WNT10A: variants seen among roughly 807,000 people sequenced by gnomAD.
WNT10A encodes the protein protein Wnt-10a.
In WNT10A, 37 loss-of-function variants were observed where a neutral mutation model predicts 36.1. That is an observed-to-expected ratio of 1.02 (90% CI 0.79 to 1.35). WNT10A has a LOEUF of 1.35. WNT10A is among the 40% of genes most tolerant of loss of function. The pLI is 0.00. For missense variants in WNT10A, 613 were observed against 601.4 expected, an observed-to-expected ratio of 1.02 and a Z score of -0.20; for synonymous variants, 255 against 254.1, an observed-to-expected ratio of 1.00 and a Z score of -0.03.
upstream of WNT10A, among the ~76,000 whole-genome samples, chr2:218,879,934 G>T (rs1228949517): frequency 6.6e-6 from 1 of 152,206 alleles, no homozygotes; most frequent in Non-Finnish European, 1.5e-5. Context: ...CTGGGGGCCT[G>T]ACACTGCTGC....
intron 1 of WNT10A, among the ~76,000 whole-genome samples, chr2:218,881,411 C>G (rs558499041): frequency 1.3e-5 from 2 of 152,166 alleles, no homozygotes; most frequent in Non-Finnish European, 2.9e-5. Flanking sequence ...GGGGAATGCA[C>G]CCCCACCTCA....
upstream of WNT10A, among the ~76,000 whole-genome samples, chr2:218,880,107 C>T (rs77420874): frequency 6.8e-3 from 1,042 of 152,302 alleles, 9 homozygotes; most frequent in African/African-American, 0.022. This position sits in a 1 kb window ranked among gnomAD's most constrained non-coding sequence, Gnocchi z 7.7. Context: ...GGAGCCCACA[C>T]CTGCCTCACA....
rs1276330659 is a variant in WNT10A at position 218,881,098 on chromosome 2, G to C, written c.103G>C (p.Ala35Pro). 12 of 1,597,300 alleles carry C rather than the reference G, an allele frequency of 7.5e-6. No individual in the cohort carries two copies. The highest frequency in any genetic ancestry group is 1.0e-5 in the Non-Finnish European group (12 of 1,171,830). The change falls in exon 1 of 4, where the codon GCC becomes CCC. Residue 35 changes from alanine (A) to proline (P), a missense_variant. Physicochemically the swap from Ala to Pro is conservative, Grantham distance 27. Transcript: ENST00000258411. ...GTTCTTCCTACTGCTGCTGGCTGCT[G>C]CCATGCCCAGGTGAGCCCTCACCTC... is the stretch of plus-strand genomic sequence containing the variant. Reference protein sequence around the residue: ...LLFFLLLLAAAMPRSAPNDIL... With the variant: ...LLFFLLLLAAPMPRSAPNDIL...
Position 218,892,936 on chromosome 2 carries a change from G to C in WNT10A, c.919G>C (p.Gly307Arg), listed in dbSNP as rs775046543. ...ATLIRPHNRNGGQLEPGPAGA... is the reference protein window; with the variant it reads ...ATLIRPHNRNRGQLEPGPAGA... Reference sequence around the variant, plus strand: ...GCTCATCCGGCCGCACAACCGCAACGGCGGCCAGCTGGAGCCGGGCCCAGC... The same window carrying C: ...GCTCATCCGGCCGCACAACCGCAACCGCGGCCAGCTGGAGCCGGGCCCAGC... The change falls in exon 4 of 4, where the codon GGC becomes CGC. Residue 307 changes from glycine to arginine, a missense_variant. By Grantham distance (125) the Gly-to-Arg change is moderately radical. Coordinates refer to ENST00000258411, the MANE Select transcript of WNT10A (RefSeq NM_025216.3). The C allele has an allele frequency of 7.4e-6, 11 of 1,480,152 alleles. No individual in the cohort carries two copies. The highest frequency in any genetic ancestry group is 8.9e-6 in the Non-Finnish European group (10 of 1,118,198). The allele number at this position is 1,480,152 out of a possible 1,614,324, so 91.7% of individuals were successfully genotyped here. A position where few individuals can be genotyped will look rare whatever the true frequency, so the allele number is the denominator to read the frequency against.
chr2:218,891,966 G>A (rs765053923), intron 3 of WNT10A, among the ~76,000 whole-genome samples: 3 of 152,122 alleles, frequency 2.0e-5, no homozygotes, highest in Non-Finnish European at 4.4e-5. Flanking sequence ...TTGTGAGCTG[G>A]GTTGGGGGCG....
At chr2:218,875,482 G>A in the WNT10A span, among the ~76,000 whole-genome samples, 6 of 152,186 alleles carry the variant, frequency 3.9e-5, no homozygotes, top group Non-Finnish European at 7.4e-5. Flanking sequence ...GAGCCACCGC[G>A]CCCGGCCAAA....
At chr2:218,881,440 C>G (rs1211207188) in intron 1 of WNT10A, among the ~76,000 whole-genome samples, 1 of 152,122 alleles carries the variant, frequency 6.6e-6, no homozygotes, top group Admixed American at 6.5e-5. Context: ...CACAAGCTGC[C>G]TCACTCCTTC....
chr2:218,883,255 C>G (rs996332851), intron 2 of WNT10A, among the ~76,000 whole-genome samples: 2 of 152,172 alleles, frequency 1.3e-5, no homozygotes, highest in Non-Finnish European at 2.9e-5. Context: ...AGCTGGGTAT[C>G]TATCTCTCTT....
chr2:218,876,548 T>C (rs1019599587), upstream of WNT10A, among the ~76,000 whole-genome samples: 3 of 152,082 alleles, frequency 2.0e-5, no homozygotes, highest in African/African-American at 7.2e-5. Context: ...TTGGGTCAAA[T>C]GTCTGGGCCT....
At chr2:218,892,672 C>T (rs1459407679) in intron 3 of WNT10A, 102 bp from the exon 4 acceptor site, 3 of 1,512,588 alleles carry the variant, frequency 2.0e-6, no homozygotes, top group Non-Finnish European at 2.7e-6. Flanking sequence ...CAGCGTTTGC[C>T]TCTGTATAAT....
At chr2:218,874,837 G>C in the WNT10A span, among the ~76,000 whole-genome samples, 1 of 152,202 alleles carries the variant, frequency 6.6e-6, no homozygotes, top group African/African-American at 2.4e-5. Context: ...TATACAAAGG[G>C]ATTTCGCTCT....
At chr2:218,877,756 TG>T (rs1944465358), upstream of WNT10A, among the ~76,000 whole-genome samples, 1 of 152,166 alleles carries the variant, frequency 6.6e-6, no homozygotes, top group Admixed American at 6.5e-5. The surrounding 1 kb of genome is among the most constrained non-coding windows in gnomAD (Gnocchi z 4.1). Flanking sequence ...ATTGGGAGTT[TG>T]GGGAGACTGC....
At position 218,892,825 on chromosome 2, in the gene WNT10A, A is replaced by G; in HGVS notation, c.808A>G (p.Ser270Gly). The G allele has an allele frequency of 6.3e-7, 1 of 1,596,818 alleles. No individual in the cohort carries two copies. The highest frequency in any genetic ancestry group is 1.1e-5 in the South Asian group (1 of 88,350). ...GTGCAAGTGCCACGGCACGTCAGGC[A>G]GCTGCCAGCTCAAGACGTGCTGGCA... is the stretch of plus-strand genomic sequence containing the variant. ...RKCKCHGTSGSCQLKTCWQVT... is the reference protein window; with the variant it reads ...RKCKCHGTSGGCQLKTCWQVT... Residue 270 changes from serine (S) to glycine (G), a missense_variant, in exon 4 of 4, where the codon AGC becomes GGC. By Grantham distance (56) the Ser-to-Gly change is moderately conservative. Transcript: ENST00000258411.
At chr2:218,877,319 T>C (rs374177390), upstream of WNT10A, among the ~76,000 whole-genome samples, 5 of 152,354 alleles carry the variant, frequency 3.3e-5, no homozygotes, top group East Asian at 9.6e-4. The surrounding 1 kb of genome is among the most constrained non-coding windows in gnomAD (Gnocchi z 4.1). Context: ...TACTGGTCCA[T>C]CTTCTGTTAC....
In WNT10A at chr2:218,880,866, CCCTGA is replaced by C. The variant is rs1944503293; in HGVS notation, c.-127_-123del. The C allele has an allele frequency of 1.1e-5, 13 of 1,182,314 alleles. No individual in the cohort carries two copies. The South Asian group carries it at 2.2e-4, about 20-fold the overall frequency. 73.2% of individuals were successfully genotyped at this position (1,182,314 alleles called of 1,614,324 possible). On this transcript the variant is annotated 5_prime_UTR_variant, in exon 1 of 4. Transcript: ENST00000258411. The surrounding 1 kb of genome is among the most constrained non-coding windows in gnomAD (Gnocchi z 7.7). Reference sequence around the variant, plus strand: ...AGGCGGGCGCCGTCTGCTCCGGGAGCCCTGACCCGAGTCGGAGCTGTGTGTCGCAG... The same window carrying C: ...AGGCGGGCGCCGTCTGCTCCGGGAGCCCCGAGTCGGAGCTGTGTGTCGCAG...
chr2:218,886,464 C>T (rs1321511717), intron 2 of WNT10A, among the ~76,000 whole-genome samples: 1 of 152,172 alleles, frequency 6.6e-6, no homozygotes, highest in African/African-American at 2.4e-5. Context: ...CCTGAATCCT[C>T]TCTCCTCCAC....
At chr2:218,875,859 C>G (rs1944449269), upstream of WNT10A, among the ~76,000 whole-genome samples, 1 of 152,204 alleles carries the variant, frequency 6.6e-6, no homozygotes, top group Non-Finnish European at 1.5e-5. Context: ...TGGGCAGGCC[C>G]TGATTGCAAA....
intron 2 of WNT10A, among the ~76,000 whole-genome samples, chr2:218,883,652 T>C (rs1944544552): frequency 6.8e-6 from 1 of 147,332 alleles, no homozygotes; most frequent in African/African-American, 2.5e-5. Context: ...CGCGAACTAA[T>C]CCCCGCGGGC....
chr2:218,893,075 A>T lies in WNT10A; in HGVS notation c.1058A>T (p.Asp353Val), dbSNP rs757226964. The T allele has an allele frequency of 1.3e-6, 2 of 1,596,614 alleles. No homozygotes were observed. The change falls in exon 4 of 4, where the codon GAC (aspartate) becomes GTC (valine). Residue 353 changes from aspartate (D) to valine (V), a missense_variant. Coordinates refer to ENST00000258411, the MANE Select transcript of WNT10A (RefSeq NM_025216.3). This position sits in a 1 kb window ranked among gnomAD's most constrained non-coding sequence, Gnocchi z 6.3. ...PDFCEREPRL[D>V]SAGTVGRLCN... ...TTCTGCGAGCGCGAGCCGCGCCTGGACTCGGCGGGCACCGTGGGCCGCCTG... is the reference window on the plus strand; with the variant it reads ...TTCTGCGAGCGCGAGCCGCGCCTGGTCTCGGCGGGCACCGTGGGCCGCCTG...
Sources: gnomAD v4.1 joint callset for allele counts (sites outside exome capture counted in the v4.1 genomes callset) on GRCh38, gnomAD v4.1.1 for gene constraint, Gnocchi (gnomAD v3.1) non-coding constraint, MANE v1.5 for transcripts, NCBI Gene and HGNC (gene_info 2026-07-23, HGNC 2026-07-21) for gene names.